The following TCERG1 variants were observed in gnomAD, a reference collection of about 807,000 sequenced individuals.
The protein encoded by TCERG1 is TATA box binding protein (TBP)-associated factor, RNA polymerase II, S, 150kD.
Under a neutral mutation model 144.7 loss-of-function variants are expected in TCERG1, and 37 were observed. The ratio of observed to expected loss-of-function variants is 0.26; its 90% CI spans 0.20 to 0.34. The LOEUF (loss-of-function observed/expected upper bound fraction) is 0.34, where lower values mean the gene tolerates loss of function less well. Ranked by LOEUF, TCERG1 falls within the 10% of genes least tolerant of loss-of-function variation. The pLI is 1.00. For synonymous variants in TCERG1, 492 were observed against 458.2 expected (o/e 1.07, Z -0.94); for missense variants, 1,027 against 1,380.7 (o/e 0.74, Z 4.06).
Position 146,474,719 on chromosome 5 carries a change from A to G in TCERG1, c.1601+3143A>G, listed in dbSNP as rs557488788. Among the ~76,000 whole-genome samples, 8 of 152,336 alleles carry G rather than the reference A, an allele frequency of 5.3e-5. No homozygotes were observed. In the East Asian group the frequency reaches 1.3e-3, roughly 26 times the overall value. On this transcript the variant is annotated intron_variant, in intron 9 of 22. Coordinates refer to ENST00000679501, the MANE Select transcript of TCERG1 (RefSeq NM_001382548.1). ...GTTCAGCCATCAAGAGATTGAGGCA[A>G]GACCCTCCACCAGCAAAAACATTAT... is the stretch of plus-strand genomic sequence containing the variant.
At chr5:146,482,326 C>T (rs1159418417) in intron 13 of TCERG1, 2 of 221,416 alleles carry the variant, frequency 9.0e-6, no homozygotes, top group Non-Finnish European at 8.7e-6. Flanking sequence ...TGTTATTAAC[C>T]AGTGTCAGGG....
In TCERG1 at chr5:146,459,256, T is replaced by A; in HGVS notation, c.811T>A (p.Ser271Thr). The A allele has an allele frequency of 9.3e-6, 15 of 1,614,252 alleles. No individual in the cohort carries two copies. Among genetic ancestry groups the A allele is most frequent in the Non-Finnish European group, 1.3e-5 (15 of 1,180,044 alleles). ...PTTSSPAPAVSTSTSSSTPSS... is the reference protein window; with the variant it reads ...PTTSSPAPAVTTSTSSSTPSS... ...GACCAGTAGCCCAGCACCTGCAGTA[T>A]CCACTTCAACATCATCATCCACCCC... The change falls in exon 4 of 23, where the codon TCC (serine) becomes ACC (threonine). Residue 271 changes from serine (S) to threonine (T), a missense_variant. Physicochemically the swap from Ser to Thr is moderately conservative, Grantham distance 58. This residue lies in a region of TCERG1 where 187 missense variants were observed against 169.1 expected (regional missense o/e 1.11). Transcript: ENST00000679501.
chr5:146,493,058 T>C lies in TCERG1; in HGVS notation c.2282+20T>C, dbSNP rs371856504. On this transcript the variant is annotated intron_variant, in intron 16 of 22. Coordinates refer to ENST00000679501, the MANE Select transcript of TCERG1 (RefSeq NM_001382548.1). Reference sequence around the variant, plus strand: ...TCCAAGGTATGTGGTTTGTTTCTCTTAAATATCAAAGTGTATTTATTTTCT... The same window carrying C: ...TCCAAGGTATGTGGTTTGTTTCTCTCAAATATCAAAGTGTATTTATTTTCT... 2.7e-6 allele frequency: 4 copies of C among 1,466,428 alleles called. No homozygotes were observed. The African/African-American group carries it at 5.7e-5, about 21-fold the overall frequency. 90.8% of individuals were successfully genotyped at this position (1,466,428 alleles called of 1,614,324 possible).
rs41291403 is a variant in TCERG1, at chr5:146,504,121, T to C, written c.2781+115T>C. ...ATTCTGAGGGAGATAATTTGCTAAA[T>C]TAGAAAGCATTTAAAAATTGAATAC... On this transcript the variant is annotated intron_variant, in intron 19 of 22. Coordinates refer to ENST00000679501, the MANE Select transcript of TCERG1 (RefSeq NM_001382548.1). The C allele has an allele frequency of 2.9e-3, 3,143 of 1,092,434 alleles. 7 individuals carry two copies. Among genetic ancestry groups the C allele is most frequent in the Non-Finnish European group, 3.1e-3 (2,613 of 832,552 alleles). 67.7% of individuals were successfully genotyped at this position (1,092,434 alleles called of 1,614,324 possible). A position where few individuals can be genotyped will look rare whatever the true frequency, so the allele number is the denominator to read the frequency against.
In TCERG1 at chr5:146,510,444, C is replaced by G. The variant is rs770488146; in HGVS notation, c.3150C>G (p.Ser1050=). The G allele has an allele frequency of 6.2e-7, 1 of 1,610,642 alleles. No individual in the cohort carries two copies. The highest frequency in any genetic ancestry group is 8.5e-7 in the Non-Finnish European group (1 of 1,177,712). The part of the protein sequence containing the change: ...LKETKFITYR[S]KKLIQESDQH... ...GGACTTCTTTTTCTTATTTCAGATC[C>G]AAAAAATTAATCCAAGAATCAGATC... Residue 1050 remains serine, a synonymous_variant, in exon 23 of 23, where the codon TCC becomes TCG. Transcript: ENST00000679501.
chr5:146,464,030 A>G (rs1019022046), intron 5 of TCERG1, among the ~76,000 whole-genome samples: 2 of 152,230 alleles, frequency 1.3e-5, no homozygotes, highest in Non-Finnish European at 2.9e-5. Context: ...TATTTTGGAT[A>G]ATGCCCTCAA....
intron 22 of TCERG1, among the ~76,000 whole-genome samples, chr5:146,509,825 G>A (rs1768322008): frequency 6.6e-6 from 1 of 152,050 alleles, no homozygotes; most frequent in East Asian, 1.9e-4. Flanking sequence ...AAACAATTTC[G>A]CATTGCTTAC....
At chr5:146,447,828 C>T (rs890319258) in intron 1 of TCERG1, among the ~76,000 whole-genome samples, 2 of 152,266 alleles carry the variant, frequency 1.3e-5, no homozygotes, top group Non-Finnish European at 2.9e-5. Flanking sequence ...TCCCTGTACC[C>T]CTCGCCACTT....
At chr5:146,457,054 A>C in intron 2 of TCERG1, 129 bp from the exon 3 acceptor site, 1 of 1,223,216 alleles carries the variant, frequency 8.2e-7, no homozygotes, top group Non-Finnish European at 1.1e-6. Context: ...TGCTTCTATG[A>C]CAGGTGAATG....
Position 146,471,518 on chromosome 5 carries a change from G to A in TCERG1, c.1543G>A (p.Glu515Lys). The change falls in exon 9 of 23, where the codon GAA becomes AAA. Residue 515 changes from glutamate (E) to lysine (K), a missense_variant. Glu to Lys is a moderately conservative substitution (Grantham distance 56). Around this residue, in one of 6 missense-constraint regions of TCERG1, gnomAD observed 482 missense variants for 632.6 expected, o/e 0.76. Coordinates refer to ENST00000679501, the MANE Select transcript of TCERG1 (RefSeq NM_001382548.1). ...CAAAGAAGAGGAGATGACTGAAGAA[G>A]AAAAGGCTGCCCAGAAGGCAAAGCC... Reference protein sequence around the residue: ...EPKEEEMTEEEKAAQKAKPVA... With the variant: ...EPKEEEMTEEKKAAQKAKPVA... 1 of 1,613,598 alleles carries A rather than the reference G, an allele frequency of 6.2e-7. No homozygotes were observed. Among genetic ancestry groups the A allele is most frequent in the Non-Finnish European group, 8.5e-7 (1 of 1,179,764 alleles).
chr5:146,494,182 G>T (rs1766674003), intron 16 of TCERG1, among the ~76,000 whole-genome samples: 1 of 152,042 alleles, frequency 6.6e-6, no homozygotes, highest in Admixed American at 6.6e-5. Context: ...TGTTATAAAA[G>T]ACATTTTGGG....
intron 1 of TCERG1, among the ~76,000 whole-genome samples, chr5:146,452,596 T>G (rs1455406538): frequency 1.3e-5 from 2 of 152,192 alleles, no homozygotes; most frequent in Non-Finnish European, 2.9e-5. Flanking sequence ...TTTTCTTTAT[T>G]TATTTATTAT....
chr5:146,488,828 G>A (rs931334832), intron 15 of TCERG1, among the ~76,000 whole-genome samples: 1 of 152,142 alleles, frequency 6.6e-6, no homozygotes, highest in Non-Finnish European at 1.5e-5. Context: ...CAACCTAGGT[G>A]TCCAACAACA....
chr5:146,447,507 CG>C (rs1350770580), intron 1 of TCERG1, 99 bp downstream of exon 1: 9 of 1,462,904 alleles, frequency 6.2e-6, no homozygotes, highest in Non-Finnish European at 1.8e-6. Context: ...CGGTGGGTAG[CG>C]GAGCCGGGCG....
Position 146,507,020 on chromosome 5 carries a change from C to T in TCERG1, c.2782-8C>T. ...TTTGGTGATATATATATAATTTTTT[C>T]TCTTCAGGTACGTTCTTCAGATGTG... On this transcript the variant is annotated splice_region_variant and splice_polypyrimidine_tract_variant and intron_variant, in intron 19 of 22. Transcript: ENST00000679501. The surrounding 1 kb of genome is among the most constrained non-coding windows in gnomAD (Gnocchi z 4.6). The T allele has an allele frequency of 3.9e-6, 6 of 1,551,448 alleles. No individual in the cohort carries two copies. The highest frequency in any genetic ancestry group is 2.3e-5 in the East Asian group (1 of 43,674).
At chr5:146,492,291 G>A (rs371293833) in intron 15 of TCERG1, among the ~76,000 whole-genome samples, 1 of 152,100 alleles carries the variant, frequency 6.6e-6, no homozygotes, top group East Asian at 1.9e-4. Context: ...GTTATGTTGA[G>A]TGCTCTCATA....
intron 4 of TCERG1, among the ~76,000 whole-genome samples, chr5:146,463,056 A>G (rs1197777938): frequency 2.0e-5 from 3 of 152,060 alleles, no homozygotes; most frequent in Non-Finnish European, 4.4e-5. Context: ...AGGCTTTCTA[A>G]TTTCTGCTTC....
chr5:146,490,293 G>A (rs1766272780), intron 15 of TCERG1, among the ~76,000 whole-genome samples: 1 of 152,170 alleles, frequency 6.6e-6, no homozygotes. Context: ...TATGTGGATT[G>A]ACTTGGGAAG....
At chr5:146,482,402 C>T in intron 13 of TCERG1, 190 bp from the exon 14 acceptor site, 1 of 431,568 alleles carries the variant, frequency 2.3e-6, no homozygotes. Context: ...ATTAGAAGCC[C>T]ATTTTAATTT....
Sources: gnomAD v4.1 joint callset for allele counts (sites outside exome capture counted in the v4.1 genomes callset) on GRCh38, gnomAD v4.1.1 for gene constraint, gnomAD v4.1.1 regional missense constraint, Gnocchi (gnomAD v3.1) non-coding constraint, MANE v1.5 for transcripts, NCBI Gene and HGNC (gene_info 2026-07-23, HGNC 2026-07-21) for gene names.